Variants in SNX14 observed in about 807,000 individuals in gnomAD.
SNX14 encodes sorting nexin 14.
Under a neutral mutation model 133.8 loss-of-function variants are expected in SNX14, and 93 were observed. That is an observed-to-expected ratio of 0.70 (90% CI 0.59 to 0.83). The LOEUF (loss-of-function observed/expected upper bound fraction) is 0.83. Among genes scored for constraint, SNX14 ranks in the 40% least tolerant of loss-of-function variants. The probability of loss-of-function intolerance (pLI) is 0.00; values close to 1 mark genes in which losing one functional copy is unlikely to be tolerated. For synonymous variants in SNX14, 368 were observed against 365.6 expected (o/e 1.01, Z -0.07); for missense variants, 945 against 1,094.9 (o/e 0.86, Z 1.93).
chr6:85,513,805 A>G lies in SNX14; in HGVS notation c.2648T>C (p.Ile883Thr), dbSNP rs1773788333. The G allele has an allele frequency of 1.9e-6, 3 of 1,603,246 alleles. No individual in the cohort carries two copies. The African/African-American group carries it at 4.0e-5, about 21-fold the overall frequency. The change falls in exon 26 of 29, where the codon ATT (isoleucine) becomes ACT (threonine). Residue 883 changes from isoleucine (I) to threonine (T), a missense_variant. Physicochemically the swap from Ile to Thr is moderately conservative, Grantham distance 89. Transcript: ENST00000314673. ...KQTFEEMMNY[I>T]PDLLVKCIGE... is the part of the protein sequence containing the mutation. Reference sequence around the variant, plus strand: ...TTACTTCTTAAATATTACACCTGGAATGTAATTCATCATTTCTTCAAAAGT... The same window carrying G: ...TTACTTCTTAAATATTACACCTGGAGTGTAATTCATCATTTCTTCAAAAGT...
chr6:85,547,658 T>A (rs912511561), intron 9 of SNX14, 108 bp from the exon 10 acceptor site: 8 of 984,318 alleles, frequency 8.1e-6, no homozygotes, highest in Non-Finnish European at 1.1e-5. Flanking sequence ...AATGAAAAAA[T>A]AAATGGAGCA....
Position 85,542,063 on chromosome 6 carries a change from A to G in SNX14, c.1390-20T>C. ...GAAATACTTTAAAATAACAAATAAT[A>G]ATTATCATTTATTACACTTACAATT... On this transcript the variant is annotated intron_variant, in intron 14 of 28. Coordinates refer to ENST00000314673, the MANE Select transcript of SNX14 (RefSeq NM_153816.6). 1 of 1,490,552 alleles carries G rather than the reference A, an allele frequency of 6.7e-7. No individual in the cohort carries two copies. Among genetic ancestry groups the G allele is most frequent in the South Asian group, 1.3e-5 (1 of 79,356 alleles). 92.3% of individuals were successfully genotyped at this position (1,490,552 alleles called of 1,614,324 possible).
chr6:85,507,109 G>T, intron 28 of SNX14, 124 bp downstream of exon 28: 1 of 852,016 alleles, frequency 1.2e-6, no homozygotes, highest in Non-Finnish European at 1.8e-6. Flanking sequence ...ATTTGCTGAG[G>T]TTAATTTTTT....
At position 85,547,239 on chromosome 6, in the gene SNX14, G is replaced by A. The variant is rs1196564227; in HGVS notation, c.994-13C>T. On this transcript the variant is annotated splice_polypyrimidine_tract_variant and intron_variant, in intron 11 of 28. Transcript: ENST00000314673. ...CTAACTTCAGCACCTTGATATAAGAGAAAGATTAAGTTTAAGCTATATAAA... is the reference window on the plus strand; with the variant it reads ...CTAACTTCAGCACCTTGATATAAGAAAAAGATTAAGTTTAAGCTATATAAA... 6 of 1,612,412 alleles carry A rather than the reference G, an allele frequency of 3.7e-6. No homozygotes were observed. Among genetic ancestry groups the A allele is most frequent in the Admixed American group, 1.7e-5 (1 of 59,794 alleles).
At chr6:85,547,056 C>G (rs1484859071) in intron 12 of SNX14, 56 bp downstream of exon 12, 14 of 1,237,196 alleles carry the variant, frequency 1.1e-5, no homozygotes, top group Non-Finnish European at 1.6e-5. Context: ...TTAAAATATT[C>G]AAATACATTA....
intron 6 of SNX14, among the ~76,000 whole-genome samples, chr6:85,560,958 T>G (rs1216470539): frequency 6.7e-6 from 1 of 148,640 alleles, no homozygotes; most frequent in Non-Finnish European, 1.5e-5. Flanking sequence ...CGCTTGAACC[T>G]GGGAGGTGGA....
intron 20 of SNX14, among the ~76,000 whole-genome samples, chr6:85,527,568 C>G (rs1778895832): frequency 1.3e-5 from 2 of 151,764 alleles, no homozygotes; most frequent in South Asian, 4.2e-4. Flanking sequence ...AAATTCCATG[C>G]CCAAATAAAG....
chr6:85,582,531 T>C (rs889769199), intron 1 of SNX14, among the ~76,000 whole-genome samples: 4 of 150,050 alleles, frequency 2.7e-5, no homozygotes, highest in African/African-American at 9.8e-5. Flanking sequence ...AATAGACCAC[T>C]AGCCAGACTA....
At chr6:85,519,823 C>T (rs892544172) in intron 21 of SNX14, among the ~76,000 whole-genome samples, 1 of 151,944 alleles carries the variant, frequency 6.6e-6, no homozygotes, top group Non-Finnish European at 1.5e-5. Flanking sequence ...GAACTGAGAT[C>T]GTGCCACTGA....
intron 6 of SNX14, among the ~76,000 whole-genome samples, chr6:85,558,742 T>G (rs1790569776): frequency 1.3e-5 from 2 of 152,102 alleles, no homozygotes; most frequent in South Asian, 4.1e-4. Flanking sequence ...CCCAAAGTGC[T>G]GGGATTAAAG....
At chr6:85,574,889 AG>A in intron 1 of SNX14, among the ~76,000 whole-genome samples, 1 of 152,258 alleles carries the variant, frequency 6.6e-6, no homozygotes, top group East Asian at 1.9e-4. Flanking sequence ...ATATTACGAC[AG>A]AAAGTCTGTG....
chr6:85,542,632 G>A (rs1784152975), intron 14 of SNX14, among the ~76,000 whole-genome samples: 1 of 152,118 alleles, frequency 6.6e-6, no homozygotes, highest in Admixed American at 6.5e-5. Context: ...CTGACCTTGT[G>A]ATCCGCCCGC....
chr6:85,572,726 G>T (rs1796057400), intron 2 of SNX14, among the ~76,000 whole-genome samples: 1 of 152,202 alleles, frequency 6.6e-6, no homozygotes, highest in South Asian at 2.1e-4. Context: ...GGAGACCGCG[G>T]TGAGTGGATG....
intron 16 of SNX14, 176 bp from the exon 17 acceptor site, chr6:85,537,100 A>C (rs1782205814): frequency 2.1e-6 from 1 of 485,158 alleles, no homozygotes; most frequent in Non-Finnish European, 3.4e-6. Flanking sequence ...CTCAGAAGTC[A>C]AAAATGACAC....
At chr6:85,557,122 C>T (rs986313976) in intron 7 of SNX14, among the ~76,000 whole-genome samples, 1 of 152,100 alleles carries the variant, frequency 6.6e-6, no homozygotes, top group Non-Finnish European at 1.5e-5. Context: ...AAAATATGAC[C>T]GTGAAACCTC....
intron 26 of SNX14, among the ~76,000 whole-genome samples, chr6:85,510,481 T>C (rs1290351353): frequency 6.6e-6 from 1 of 152,242 alleles, no homozygotes; most frequent in Non-Finnish European, 1.5e-5. Flanking sequence ...GTTCTTATTG[T>C]TGAGTTTCAG....
chr6:85,562,476 T>C (rs1050497546), intron 6 of SNX14, among the ~76,000 whole-genome samples: 2 of 152,294 alleles, frequency 1.3e-5, no homozygotes, highest in African/African-American at 4.8e-5. Flanking sequence ...GTAATTAGGA[T>C]GTATTATATT....
In SNX14 at chr6:85,507,228, G is replaced by C. The variant is rs565855488; in HGVS notation, c.2802+5C>G. 6.2e-7 allele frequency: 1 copy of C among 1,608,884 alleles called. No individual in the cohort carries two copies. The highest frequency in any genetic ancestry group is 2.2e-5 in the East Asian group (1 of 44,682). ...TCATGAATAAAATTACTGCTTTTCA[G>C]TTACCTTATTGAGCTCTGGAAACAG... On this transcript the variant is annotated splice_donor_5th_base_variant and intron_variant, in intron 28 of 28. Transcript: ENST00000314673.
At chr6:85,535,859 A>G (rs1781804382) in intron 17 of SNX14, among the ~76,000 whole-genome samples, 1 of 152,000 alleles carries the variant, frequency 6.6e-6, no homozygotes, top group South Asian at 2.1e-4. Flanking sequence ...TCAGTACTAA[A>G]CACCCCTTTT....
Sources: allele counts gnomAD v4.1 joint callset (sites outside exome capture counted in the v4.1 genomes callset), GRCh38; gene constraint gnomAD v4.1.1; transcripts MANE v1.5; gene names NCBI Gene and HGNC (gene_info 2026-07-23, HGNC 2026-07-21).